The following PAK5 variants were observed in gnomAD, a reference collection of about 807,000 sequenced individuals.
The protein encoded by PAK5 is p21 (RAC1) activated kinase 5, also known as serine/threonine-protein kinase PAK 5.
A neutral mutation model predicts 65.9 loss-of-function variants in PAK5; 16 were observed. That is an observed-to-expected ratio of 0.24 (90% CI 0.16 to 0.37). The LOEUF (loss-of-function observed/expected upper bound fraction) is 0.37, where lower values mean the gene tolerates loss of function less well. Ranked by LOEUF, PAK5 falls within the 10% of genes least tolerant of loss-of-function variation. The pLI is 1.00. For missense variants in PAK5, 785 were observed against 903.9 expected (o/e 0.87, Z 1.69); for synonymous variants, 371 against 354.9 (o/e 1.05, Z -0.51).
intron 1 of PAK5, among the ~76,000 whole-genome samples, chr20:9,800,054 G>A (rs1366318996): frequency 6.6e-6 from 1 of 151,436 alleles, no homozygotes; most frequent in Non-Finnish European, 1.5e-5. Context: ...AGATTCAAGT[G>A]TAGAATTTAT....
intron 2 of PAK5, among the ~76,000 whole-genome samples, chr20:9,666,905 G>A (rs949557216): frequency 2.0e-5 from 3 of 152,148 alleles, no homozygotes; most frequent in Admixed American, 2.0e-4. Context: ...TAACCATGAT[G>A]CCACATTTCT....
Position 9,643,991 on chromosome 20 carries a change from A to G in PAK5, c.204+134T>C, listed in dbSNP as rs2047100827. On this transcript the variant is annotated intron_variant, in intron 3 of 9. Coordinates refer to ENST00000353224, the MANE Select transcript of PAK5 (RefSeq NM_177990.4). Reference sequence around the variant, plus strand: ...TGGTGAAAATTATAATCATGAAAGAATAATTGTGAATAATCTGTGAATGTT... The same window carrying G: ...TGGTGAAAATTATAATCATGAAAGAGTAATTGTGAATAATCTGTGAATGTT... The G allele has an allele frequency of 5.9e-6, 4 of 677,054 alleles. No homozygotes were observed. The East Asian group carries it at 1.2e-4, about 20-fold the overall frequency. 41.9% of individuals were successfully genotyped at this position (677,054 alleles called of 1,614,324 possible).
intron 1 of PAK5, among the ~76,000 whole-genome samples, chr20:9,713,491 A>G (rs1201114360): frequency 2.0e-5 from 3 of 152,110 alleles, no homozygotes; most frequent in Admixed American, 1.3e-4. Flanking sequence ...ACTACCATAC[A>G]ATCCAGCAAT....
At chr20:9,783,962 A>T (rs1360261678) in intron 1 of PAK5, among the ~76,000 whole-genome samples, 1 of 152,194 alleles carries the variant, frequency 6.6e-6, no homozygotes, top group African/African-American at 2.4e-5. Context: ...TTTAAAACAG[A>T]ATCTTGGCAA....
chr20:9,733,782 T>G (rs2048359759), intron 1 of PAK5, among the ~76,000 whole-genome samples: 1 of 152,204 alleles, frequency 6.6e-6, no homozygotes. Context: ...CTCGTCTTAG[T>G]TCCTGCCATG....
chr20:9,800,508 T>G (rs1231029419), intron 1 of PAK5, among the ~76,000 whole-genome samples: 1 of 152,112 alleles, frequency 6.6e-6, no homozygotes, highest in Admixed American at 6.6e-5. Flanking sequence ...GTTCTCAATA[T>G]TCTTACAGCA....
In PAK5 at chr20:9,779,083, C is replaced by T. The variant is rs532971087; in HGVS notation, c.-162+59679G>A. 1.1e-4 allele frequency among the ~76,000 whole-genome samples: 17 copies of T among 152,148 alleles called. No homozygotes were observed. The South Asian group carries it at 3.5e-3, about 32-fold the overall frequency. On this transcript the variant is annotated intron_variant, in intron 1 of 9. Transcript: ENST00000353224. ...AAATGAACAGTGCCTAGTACAGCAT[C>T]CTCAGGAATAGAGAAAAATATTCAA...
intron 1 of PAK5, among the ~76,000 whole-genome samples, chr20:9,819,983 C>T (rs1310438705): frequency 1.3e-5 from 2 of 152,252 alleles, no homozygotes; most frequent in East Asian, 3.9e-4. Flanking sequence ...CAGAAACACT[C>T]AGAGCTGAAA....
intron 1 of PAK5, among the ~76,000 whole-genome samples, chr20:9,794,181 G>A (rs6039584): frequency 6.6e-6 from 1 of 151,194 alleles, no homozygotes; most frequent in Non-Finnish European, 1.5e-5. Flanking sequence ...ATGTTGGGGG[G>A]TGGGGGCAAG....
intron 3 of PAK5, among the ~76,000 whole-genome samples, chr20:9,626,917 C>A (rs369129449): frequency 6.6e-6 from 1 of 151,822 alleles, no homozygotes; most frequent in African/African-American, 2.4e-5. Flanking sequence ...TGTATGTGTA[C>A]GCACATGTGT....
intron 1 of PAK5, among the ~76,000 whole-genome samples, chr20:9,814,936 A>T (rs1250763231): frequency 6.6e-6 from 1 of 152,160 alleles, no homozygotes; most frequent in Admixed American, 6.5e-5. Context: ...ATGGTTCTGC[A>T]GGCTGTACAA....
intron 3 of PAK5, among the ~76,000 whole-genome samples, chr20:9,639,153 C>T (rs2047019028): frequency 6.6e-6 from 1 of 152,096 alleles, no homozygotes; most frequent in Non-Finnish European, 1.5e-5. Flanking sequence ...ATATGTCATT[C>T]TTAGGTGACT....
At chr20:9,736,179 G>T (rs1199928465) in intron 1 of PAK5, among the ~76,000 whole-genome samples, 1 of 151,990 alleles carries the variant, frequency 6.6e-6, no homozygotes, top group Admixed American at 6.6e-5. Flanking sequence ...GGGATTACAG[G>T]CATGAGCAAC....
intron 1 of PAK5, among the ~76,000 whole-genome samples, chr20:9,731,296 G>T (rs1386268241): frequency 6.6e-6 from 1 of 152,096 alleles, no homozygotes; most frequent in Non-Finnish European, 1.5e-5. Flanking sequence ...ATAAAGAGGT[G>T]AGTTTAATTT....
chr20:9,829,911 C>G (rs1030412922), intron 1 of PAK5, among the ~76,000 whole-genome samples: 1 of 152,196 alleles, frequency 6.6e-6, no homozygotes, highest in Non-Finnish European at 1.5e-5. Flanking sequence ...CTTTCTCTTT[C>G]TACCATGGCC....
chr20:9,652,260 A>T (rs2047212214), intron 2 of PAK5, among the ~76,000 whole-genome samples: 1 of 152,194 alleles, frequency 6.6e-6, no homozygotes, highest in Middle Eastern at 3.2e-3. Context: ...CTGAGATGTC[A>T]TTGCTCAGAT....
intron 7 of PAK5, among the ~76,000 whole-genome samples, chr20:9,556,140 T>C (rs1255820593): frequency 1.3e-5 from 2 of 152,228 alleles, no homozygotes; most frequent in Non-Finnish European, 2.9e-5. Flanking sequence ...AAAACCTGAC[T>C]GATACATGCT....
intron 2 of PAK5, among the ~76,000 whole-genome samples, chr20:9,649,751 T>C (rs1200470699): frequency 6.6e-6 from 1 of 152,080 alleles, no homozygotes; most frequent in African/African-American, 2.4e-5. Context: ...AGCACCTCAT[T>C]AGGGACCAGA....
intron 2 of PAK5, among the ~76,000 whole-genome samples, chr20:9,653,643 A>G (rs963978324): frequency 1.3e-5 from 2 of 152,210 alleles, no homozygotes; most frequent in Non-Finnish European, 2.9e-5. Context: ...CCAGATGTCT[A>G]CTACATCTAT....
Sources: allele counts gnomAD v4.1 joint callset (sites outside exome capture counted in the v4.1 genomes callset), GRCh38; gene constraint gnomAD v4.1.1; transcripts MANE v1.5; gene names NCBI Gene and HGNC (gene_info 2026-07-23, HGNC 2026-07-21).